Variants in LEKR1 observed in about 807,000 individuals in gnomAD.
LEKR1 encodes leucine, glutamate and lysine rich 1.
Under a neutral mutation model 72.4 loss-of-function variants are expected in LEKR1, and 59 were observed. The ratio of observed to expected loss-of-function variants is 0.82; its 90% CI spans 0.66 to 1.01. LEKR1 has a LOEUF of 1.01. Ranked by LOEUF, LEKR1 falls within the 50% of genes least tolerant of loss-of-function variation. The pLI, the probability that LEKR1 is intolerant of heterozygous loss-of-function variation, is 0.00. For synonymous variants in LEKR1, 257 were observed against 263.2 expected, an observed-to-expected ratio of 0.98 and a Z score of 0.23; for missense variants, 728 against 759.2, an observed-to-expected ratio of 0.96 and a Z score of 0.48.
chr3:156,869,632 G>GCAT (rs1717691411), intron 3 of LEKR1, among the ~76,000 whole-genome samples: 1 of 151,720 alleles, frequency 6.6e-6, no homozygotes, highest in African/African-American at 2.4e-5. Flanking sequence ...ATGGATTGCA[G>GCAT]GTATTTTCTC....
chr3:156,896,061 A>T (rs1467788028), intron 3 of LEKR1, among the ~76,000 whole-genome samples: 1 of 152,242 alleles, frequency 6.6e-6, no homozygotes, highest in Admixed American at 6.5e-5. Flanking sequence ...CTTTGCAGGG[A>T]CATAGATGGA....
chr3:156,975,778 A>G lies in LEKR1; in HGVS notation c.746-3416A>G, dbSNP rs193296750. The stretch of plus-strand genomic sequence containing the variant: ...TATCTGCAAAGAACACAGTCACATC[A>G]TAGTAGAATTTACTGTTGTAAATTT... On this transcript the variant is annotated intron_variant, in intron 6 of 12. Transcript: ENST00000356539. 3.9e-5 allele frequency among the ~76,000 whole-genome samples: 6 copies of G among 152,168 alleles called. No individual in the cohort carries two copies. In the East Asian group the frequency reaches 9.6e-4, roughly 24 times the overall value.
At chr3:157,022,359 G>T (rs1418794739) in intron 10 of LEKR1, among the ~76,000 whole-genome samples, 1 of 152,204 alleles carries the variant, frequency 6.6e-6, no homozygotes. Context: ...AGTAGCATGG[G>T]TTGGAGTGAA....
chr3:156,834,092 A>G (rs1178421303), intron 2 of LEKR1, among the ~76,000 whole-genome samples: 3 of 152,128 alleles, frequency 2.0e-5, no homozygotes, highest in Admixed American at 6.6e-5. Context: ...CAGTTTGACC[A>G]TAAGGTAAGA....
At chr3:156,932,420 A>T (rs1228908676) in intron 5 of LEKR1, among the ~76,000 whole-genome samples, 1 of 152,144 alleles carries the variant, frequency 6.6e-6, no homozygotes, top group African/African-American at 2.4e-5. Context: ...ACAAACATGT[A>T]AAAAGTATAT....
intron 9 of LEKR1, among the ~76,000 whole-genome samples, chr3:157,006,022 G>C (rs1281334199): frequency 6.8e-6 from 1 of 146,216 alleles, no homozygotes; most frequent in Non-Finnish European, 1.5e-5. Flanking sequence ...TTTTTGAGAC[G>C]GAGTCTCGCT....
chr3:156,852,680 C>T (rs1247916118), intron 2 of LEKR1, 88 bp from the exon 3 acceptor site: 2 of 645,576 alleles, frequency 3.1e-6, no homozygotes, highest in Non-Finnish European at 5.2e-6. Flanking sequence ...GTATTTACTT[C>T]ATTCAACCAG....
intron 2 of LEKR1, among the ~76,000 whole-genome samples, chr3:156,847,634 A>AT (rs1714791881): frequency 6.6e-6 from 1 of 152,166 alleles, no homozygotes; most frequent in Non-Finnish European, 1.5e-5. Flanking sequence ...GGGTTATTAC[A>AT]TTTTTTTCTA....
At chr3:156,953,328 A>T (rs377349876) in intron 6 of LEKR1, among the ~76,000 whole-genome samples, 1 of 151,576 alleles carries the variant, frequency 6.6e-6, no homozygotes, top group African/African-American at 2.4e-5. Context: ...ATGAATATTG[A>T]CATATTATTA....
chr3:156,839,914 G>T (rs538163647), intron 2 of LEKR1, among the ~76,000 whole-genome samples: 60 of 152,208 alleles, frequency 3.9e-4, no homozygotes, highest in Non-Finnish European at 7.5e-4. Context: ...TTTCCTCAAA[G>T]TTACTCCAAG....
intron 6 of LEKR1, among the ~76,000 whole-genome samples, chr3:156,954,483 A>T (rs1007950110): frequency 1.3e-5 from 2 of 151,862 alleles, no homozygotes; most frequent in Non-Finnish European, 2.9e-5. Context: ...GGGTTTTTAT[A>T]GCTTTGGGTT....
At chr3:156,968,677 AT>A (rs1186042987) in intron 6 of LEKR1, among the ~76,000 whole-genome samples, 1 of 152,200 alleles carries the variant, frequency 6.6e-6, no homozygotes, top group Non-Finnish European at 1.5e-5. Context: ...ATAATGGGAG[AT>A]TTTAACACCC....
At chr3:156,878,970 C>A (rs966688704) in intron 3 of LEKR1, among the ~76,000 whole-genome samples, 2 of 152,184 alleles carry the variant, frequency 1.3e-5, no homozygotes, top group African/African-American at 2.4e-5. Context: ...GTCCATTAAA[C>A]CTCTTTTTTT....
At chr3:156,832,730 CTTTA>C (rs968257152) in intron 2 of LEKR1, among the ~76,000 whole-genome samples, 13 of 152,118 alleles carry the variant, frequency 8.5e-5, no homozygotes, top group African/African-American at 2.4e-4. Flanking sequence ...AAGTGACATT[CTTTA>C]TTTACTACGG....
chr3:156,837,212 G>A (rs1039962705), intron 2 of LEKR1, among the ~76,000 whole-genome samples: 6 of 152,136 alleles, frequency 3.9e-5, no homozygotes, highest in Non-Finnish European at 5.9e-5. Context: ...TATCTCCATC[G>A]TCCCCAAGAA....
At chr3:157,003,373 T>C (rs1732161780) in intron 9 of LEKR1, among the ~76,000 whole-genome samples, 1 of 151,574 alleles carries the variant, frequency 6.6e-6, no homozygotes, top group Non-Finnish European at 1.5e-5. Flanking sequence ...ATTGCTGCTG[T>C]AACAAATGAC....
intron 6 of LEKR1, among the ~76,000 whole-genome samples, chr3:156,950,151 G>T (rs1727021820): frequency 2.6e-5 from 4 of 151,172 alleles, no homozygotes; most frequent in Admixed American, 1.3e-4. Context: ...GCATGAGGTT[G>T]TTCAGAGCAT....
intron 3 of LEKR1, among the ~76,000 whole-genome samples, chr3:156,853,712 T>G (rs912867557): frequency 6.6e-6 from 1 of 152,086 alleles, no homozygotes; most frequent in Non-Finnish European, 1.5e-5. Context: ...TTACAGAATT[T>G]TATATAAAAA....
chr3:157,021,956 C>T (rs569418698), intron 10 of LEKR1, among the ~76,000 whole-genome samples: 149 of 151,994 alleles, frequency 9.8e-4, no homozygotes, highest in Non-Finnish European at 1.6e-3. Context: ...AAATGTATTA[C>T]ATTTGGTTTC....
Sources: gnomAD v4.1 joint callset for allele counts (sites outside exome capture counted in the v4.1 genomes callset) on GRCh38, gnomAD v4.1.1 for gene constraint, MANE v1.5 for transcripts, NCBI Gene and HGNC (gene_info 2026-07-23, HGNC 2026-07-21) for gene names.